Variants in TBXAS1 observed in about 807,000 individuals in gnomAD.
The protein encoded by TBXAS1 is thromboxane A synthase 1.
Under a neutral mutation model 60.7 loss-of-function variants are expected in TBXAS1, and 48 were observed. The ratio of observed to expected loss-of-function variants is 0.79; its 90% confidence interval spans 0.63 to 1.01. The LOEUF (loss-of-function observed/expected upper bound fraction) is 1.01. Among genes scored for constraint, TBXAS1 ranks in the 50% least tolerant of loss-of-function variants. TBXAS1 has a pLI of 0.00. For missense variants in TBXAS1, 685 were observed against 686.3 expected, an observed-to-expected ratio of 1.00 and a Z score of 0.02; for synonymous variants, 287 against 269.7, an observed-to-expected ratio of 1.06 and a Z score of -0.63.
chr7:140,004,114 A>G lies in TBXAS1; in HGVS notation c.1135-2977A>G, dbSNP rs1813885867. 6.6e-6 allele frequency among the ~76,000 whole-genome samples: 1 copy of G among 152,224 alleles called. No individual in the cohort carries two copies. The highest frequency in any genetic ancestry group is 1.5e-5 in the Non-Finnish European group (1 of 68,038). ...CCTGTGTTCAATCGCCACCTGCTGG[A>G]GAAAAACTTTTTTCTTTGTCCCAGA... On this transcript the variant is annotated intron_variant, in intron 9 of 12. Transcript: ENST00000448866. The surrounding 1 kb of genome is among the most constrained non-coding windows in gnomAD (Gnocchi z 5.1).
chr7:139,846,379 C>A (rs150470979), intron 1 of TBXAS1, among the ~76,000 whole-genome samples: 21 of 152,274 alleles, frequency 1.4e-4, no homozygotes, highest in Admixed American at 8.5e-4. Context: ...GATGTCAGGT[C>A]TCCGTGTCTC....
chr7:140,016,198 G>A (rs960405377), intron 11 of TBXAS1, among the ~76,000 whole-genome samples: 1 of 151,882 alleles, frequency 6.6e-6, no homozygotes, highest in African/African-American at 2.4e-5. Context: ...CGTGGTGGCG[G>A]GCGCCTGTAG....
chr7:140,016,535 A>C (rs1252897508), intron 11 of TBXAS1: 2 of 193,358 alleles, frequency 1.0e-5, no homozygotes, highest in African/African-American at 4.8e-5. Flanking sequence ...AAGTAACGGA[A>C]CATCATTTCC....
At chr7:139,886,509 C>CTT (rs1348379103) in intron 3 of TBXAS1, among the ~76,000 whole-genome samples, 2 of 143,638 alleles carry the variant, frequency 1.4e-5, no homozygotes, top group South Asian at 4.4e-4. Flanking sequence ...CAATTGTGGT[C>CTT]TTTTTTGTTA....
At chr7:139,834,465 A>G (rs1265003810) in intron 1 of TBXAS1, among the ~76,000 whole-genome samples, 1 of 152,210 alleles carries the variant, frequency 6.6e-6, no homozygotes, top group Non-Finnish European at 1.5e-5. Context: ...AACCAAGATC[A>G]GAGCAGAACT....
At chr7:139,983,856 T>G (rs1812133952) in intron 9 of TBXAS1, among the ~76,000 whole-genome samples, 1 of 152,228 alleles carries the variant, frequency 6.6e-6, no homozygotes, top group African/African-American at 2.4e-5. Flanking sequence ...CTTCCAATAT[T>G]TTTATTAGTT....
intron 7 of TBXAS1, among the ~76,000 whole-genome samples, chr7:139,957,329 T>C (rs759847834): frequency 1.3e-5 from 2 of 151,844 alleles, no homozygotes; most frequent in Non-Finnish European, 2.9e-5. Flanking sequence ...TCAGGTCTCA[T>C]CCCCAGGACC....
chr7:139,991,849 G>A (rs113215736), intron 9 of TBXAS1, among the ~76,000 whole-genome samples: 2 of 152,196 alleles, frequency 1.3e-5, no homozygotes, highest in East Asian at 1.9e-4. Context: ...GGAGAGCACG[G>A]GCAGCTCTCT....
chr7:140,009,375 G>A (rs1263759659), intron 10 of TBXAS1, among the ~76,000 whole-genome samples: 2 of 152,162 alleles, frequency 1.3e-5, no homozygotes, highest in African/African-American at 4.8e-5. Flanking sequence ...GTTAAATGGG[G>A]ACACACACCT....
rs8192836 is a variant in TBXAS1, at chr7:139,959,007, T to TCACACACACACACA, written c.819+1261_819+1274dup. ...ACTAAGGGCCACCTTTTGAGAGTGT[T>TCACACACACACACA]CACACACACACACACACACACACAC... On this transcript the variant is annotated intron_variant, in intron 8 of 12. Coordinates refer to ENST00000448866, the MANE Select transcript of TBXAS1 (RefSeq NM_001061.7). Among the ~76,000 whole-genome samples the TCACACACACACACA allele has an allele frequency of 3.5e-3, 519 of 149,842 alleles. 3 individuals carry two copies. Among genetic ancestry groups the TCACACACACACACA allele is most frequent in the Middle Eastern group, 0.01 (3 of 290 alleles).
intron 5 of TBXAS1, chr7:139,952,599 C>T: frequency 6.5e-7 from 1 of 1,537,274 alleles, no homozygotes; most frequent in Non-Finnish European, 8.7e-7. Context: ...CATGGGTGGC[C>T]AGCAGGCTCC....
In TBXAS1 at chr7:139,798,794, A is replaced by T. The variant is rs570164711; in HGVS notation, c.-80+11368A>T. ...ACCAGCAAATGCAGTTTGAATTTTA[A>T]GTGTGTATTCTAATTTTTTAGAAGA... On this transcript the variant is annotated intron_variant, in intron 4 of 16. Transcript: ENST00000336425. 4.6e-5 allele frequency among the ~76,000 whole-genome samples: 7 copies of T among 152,316 alleles called. No homozygotes were observed. The South Asian group carries it at 1.2e-3, about 27-fold the overall frequency.
chr7:140,008,175 G>C (rs1200975827), intron 10 of TBXAS1, among the ~76,000 whole-genome samples: 1 of 152,198 alleles, frequency 6.6e-6, no homozygotes, highest in Non-Finnish European at 1.5e-5. Context: ...ATCTCAAAAC[G>C]ATATTTCAAC....
intron 1 of TBXAS1, among the ~76,000 whole-genome samples, chr7:139,846,704 C>G (rs981591039): frequency 4.6e-5 from 7 of 152,170 alleles, no homozygotes; most frequent in African/African-American, 1.7e-4. Context: ...AAACAAGTGA[C>G]CTCATTTTGA....
chr7:139,918,154 A>C (rs1413525756), intron 4 of TBXAS1, among the ~76,000 whole-genome samples: 4 of 152,142 alleles, frequency 2.6e-5, no homozygotes, highest in Non-Finnish European at 4.4e-5. Context: ...GTATGGTGAA[A>C]TGTCTTTGAT....
chr7:139,875,417 CT>C (rs1227499373), intron 2 of TBXAS1, among the ~76,000 whole-genome samples, 167 bp from the exon 3 acceptor site: 4 of 152,056 alleles, frequency 2.6e-5, no homozygotes, highest in Non-Finnish European at 4.4e-5. Flanking sequence ...TTTTTAAAGC[CT>C]TTTGTTTATT....
At chr7:139,959,109 G>A (rs1241643475) in intron 8 of TBXAS1, among the ~76,000 whole-genome samples, 2 of 152,132 alleles carry the variant, frequency 1.3e-5, no homozygotes, top group African/African-American at 4.8e-5. Flanking sequence ...TTACTAAGAG[G>A]TGAGAGGTTA....
chr7:139,951,899 G>T (rs1180784400), intron 5 of TBXAS1, among the ~76,000 whole-genome samples: 1 of 27,952 alleles, frequency 3.6e-5, no homozygotes, highest in Non-Finnish European at 7.5e-5. Context: ...AGGAAGGAAG[G>T]AAAGAAAGAG....
At chr7:139,986,744 CAT>C (rs1214895372) in intron 9 of TBXAS1, among the ~76,000 whole-genome samples, 1 of 89,778 alleles carries the variant, frequency 1.1e-5, no homozygotes, top group African/African-American at 4.8e-5. Context: ...TATATACATA[CAT>C]ATATATATAT....
Sources: gnomAD v4.1 joint callset for allele counts (sites outside exome capture counted in the v4.1 genomes callset) on GRCh38, gnomAD v4.1.1 for gene constraint, Gnocchi (gnomAD v3.1) non-coding constraint, MANE v1.5 for transcripts, NCBI Gene and HGNC (gene_info 2026-07-23, HGNC 2026-07-21) for gene names.